ACSM2B: variants seen among roughly 807,000 people sequenced by gnomAD.
ACSM2B encodes acyl-CoA synthetase medium chain family member 2B.
A neutral mutation model predicts 78.6 loss-of-function variants in ACSM2B; 58 were observed. That is an observed-to-expected ratio of 0.74 (90% CI 0.60 to 0.92). The LOEUF (loss-of-function observed/expected upper bound fraction) is 0.92. ACSM2B is among the 40% of genes least tolerant of loss of function. The probability of loss-of-function intolerance (pLI) is 0.00; values close to 1 mark genes in which losing one functional copy is unlikely to be tolerated. For missense variants in ACSM2B, 688 were observed against 711.2 expected, an observed-to-expected ratio of 0.97 and a Z score of 0.37; for synonymous variants, 257 against 256.8, an observed-to-expected ratio of 1.00 and a Z score of -0.01.
At chr16:20,574,936 C>G (rs1358096982) in intron 1 of ACSM2B, among the ~76,000 whole-genome samples, 1 of 147,338 alleles carries the variant, frequency 6.8e-6, no homozygotes, top group Non-Finnish European at 1.5e-5. Flanking sequence ...CAACCAGCTT[C>G]ATTATGTTCC....
Position 20,552,182 on chromosome 16 carries a change from G to T in ACSM2B, c.856C>A (p.His286Asn), listed in dbSNP as rs1194261390. The change falls in exon 6 of 14, where the codon CAT (histidine) becomes AAT (asparagine). Residue 286 changes from histidine (H) to asparagine (N), a missense_variant. Physicochemically the swap from His to Asn is moderately conservative, Grantham distance 68 (BLOSUM62 1). Transcript: ENST00000329697. ...SWTLGACTFV[H>N]LLPKFDPLVI... The stretch of plus-strand genomic sequence containing the variant: ...AGTGGGTCAAACTTTGGCAAGAGAT[G>T]AACAAATGTGCATGCTCCTAATGTC... The T allele has an allele frequency of 6.8e-6, 11 of 1,613,616 alleles. No individual in the cohort carries two copies. The highest frequency in any genetic ancestry group is 2.2e-5 in the East Asian group (1 of 44,882).
chr16:20,541,681 C>CTTTTTTTTTTTTTTTTTT (rs1160376564), intron 12 of ACSM2B: 1 of 45,260 alleles, frequency 2.2e-5, no homozygotes, highest in African/African-American at 8.7e-5. Context: ...CTTTTTCTTT[C>CTTTTTTTTTTTTTTTTTT]TTTTTTTTTT....
At chr16:20,568,719 C>A (rs1328749210) in intron 1 of ACSM2B, among the ~76,000 whole-genome samples, 1 of 151,764 alleles carries the variant, frequency 6.6e-6, no homozygotes, top group Non-Finnish European at 1.5e-5. Flanking sequence ...CACATCCACA[C>A]CAACATCTAT....
intron 3 of ACSM2B, among the ~76,000 whole-genome samples, chr16:20,558,552 C>T (rs1406080205): frequency 6.6e-6 from 1 of 151,966 alleles, no homozygotes; most frequent in African/African-American, 2.4e-5. Context: ...TTCACATATG[C>T]TGTTCCCTTT....
chr16:20,567,194 T>C (rs1435214971), intron 1 of ACSM2B, among the ~76,000 whole-genome samples: 7 of 132,788 alleles, frequency 5.3e-5, no homozygotes, highest in Admixed American at 2.6e-4. Context: ...TAACATATTA[T>C]ACTATTATAT....
intron 1 of ACSM2B, among the ~76,000 whole-genome samples, chr16:20,569,516 G>T (rs768197537): frequency 2.6e-5 from 4 of 151,886 alleles, no homozygotes; most frequent in Non-Finnish European, 5.9e-5. Flanking sequence ...GATGCCTCCA[G>T]ATTTGTTCTT....
intron 12 of ACSM2B, chr16:20,541,552 T>C (rs2014988984): frequency 6.6e-6 from 1 of 152,146 alleles, no homozygotes; most frequent in African/African-American, 2.4e-5. Context: ...AAGACTCTGA[T>C]TCAAATATCA....
intron 9 of ACSM2B, 137 bp from the exon 10 acceptor site, chr16:20,545,395 G>A: frequency 9.8e-7 from 1 of 1,015,530 alleles, no homozygotes; most frequent in Non-Finnish European, 1.4e-6. Context: ...AAAAACCAAG[G>A]GAACCCAAGA....
Position 20,564,858 on chromosome 16 carries a change from A to G in ACSM2B, c.-8-5T>C, listed in dbSNP as rs1567216930. ...GCAGCCAATGCATGTTCAGGCCTGT[A>G]AAAGAAAGAAGAGACACAGGTAAGA... On this transcript the variant is annotated splice_polypyrimidine_tract_variant and splice_region_variant and intron_variant, in intron 1 of 13. Coordinates refer to ENST00000329697, the MANE Select transcript of ACSM2B (RefSeq NM_001105069.2). 6.3e-6 allele frequency: 10 copies of G among 1,599,634 alleles called. No individual in the cohort carries two copies. The highest frequency in any genetic ancestry group is 8.5e-6 in the Non-Finnish European group (10 of 1,172,002).
At chr16:20,574,008 A>G (rs1317224560) in intron 1 of ACSM2B, 2 of 152,076 alleles carry the variant, frequency 1.3e-5, no homozygotes, top group East Asian at 1.9e-4. Context: ...GAATTTCCCA[A>G]TCCTAGTAAG....
At chr16:20,553,324 G>A (rs1385141202) in intron 5 of ACSM2B, among the ~76,000 whole-genome samples, 1 of 152,126 alleles carries the variant, frequency 6.6e-6, no homozygotes, top group Admixed American at 6.5e-5. Context: ...GCTCAACTAT[G>A]GGGTCTGTGA....
chr16:20,544,537 T>A, intron 10 of ACSM2B: 1 of 959,682 alleles, frequency 1.0e-6, no homozygotes, highest in Non-Finnish European at 1.2e-6. Flanking sequence ...TATTATTTGA[T>A]TTATTATTTA....
chr16:20,555,732 A>G (rs1261134538), intron 3 of ACSM2B, among the ~76,000 whole-genome samples: 1 of 152,202 alleles, frequency 6.6e-6, no homozygotes, highest in Middle Eastern at 3.2e-3. Flanking sequence ...CACTGTTGAC[A>G]GTCTAAGACA....
chr16:20,564,432 G>C (rs576939360), intron 2 of ACSM2B, among the ~76,000 whole-genome samples: 1 of 152,204 alleles, frequency 6.6e-6, no homozygotes, highest in Admixed American at 6.5e-5. Context: ...TAAACAAACT[G>C]TGTGTTGGCT....
chr16:20,559,478 G>A (rs2015580413), intron 2 of ACSM2B, 31 bp from the exon 3 acceptor site: 15 of 1,609,722 alleles, frequency 9.3e-6, no homozygotes, highest in Admixed American at 1.7e-5. Flanking sequence ...TTGATTAGGG[G>A]GCATTGGTAC....
intron 4 of ACSM2B, 144 bp from the exon 5 acceptor site, chr16:20,554,064 A>T: frequency 8.2e-7 from 1 of 1,217,706 alleles, no homozygotes; most frequent in Non-Finnish European, 1.2e-6. Context: ...AGTGATTAAG[A>T]TCATGGGAGC....
chr16:20,543,021 A>G lies in ACSM2B; in HGVS notation c.1410-8T>C, dbSNP rs2152132287. 2 of 1,613,648 alleles carry G rather than the reference A, an allele frequency of 1.2e-6. No individual in the cohort carries two copies. ...GAGGGTCCAATCCGGTACCTGCAGA[A>G]GAACCTGTCCTTCAGAGAACACTGG... On this transcript the variant is annotated splice_polypyrimidine_tract_variant and splice_region_variant and intron_variant, in intron 11 of 13. Transcript: ENST00000329697.
intron 1 of ACSM2B, among the ~76,000 whole-genome samples, chr16:20,567,382 A>ATATG (rs2015938644): frequency 8.8e-6 from 1 of 113,564 alleles, no homozygotes; most frequent in Non-Finnish European, 1.6e-5. Flanking sequence ...AATATATAGT[A>ATATG]TAATATTACA....
At chr16:20,560,719 T>C (rs1313268593) in intron 2 of ACSM2B, among the ~76,000 whole-genome samples, 1 of 152,038 alleles carries the variant, frequency 6.6e-6, no homozygotes, top group African/African-American at 2.4e-5. Flanking sequence ...AACTTGGTCA[T>C]GGGAAGAAAT....
Sources: allele counts gnomAD v4.1 joint callset (sites outside exome capture counted in the v4.1 genomes callset), GRCh38; gene constraint gnomAD v4.1.1; transcripts MANE v1.5; gene names NCBI Gene and HGNC (gene_info 2026-07-23, HGNC 2026-07-21).